IFT57: variants seen among roughly 807,000 people sequenced by gnomAD.
IFT57 encodes intraflagellar transport protein 57 homolog.
Under a neutral mutation model 56.8 loss-of-function variants are expected in IFT57, and 59 were observed. That is an observed-to-expected ratio of 1.04 (90% CI 0.84 to 1.29). The LOEUF (loss-of-function observed/expected upper bound fraction) is 1.29, where lower values mean the gene tolerates loss of function less well. IFT57 is among the 50% of genes most tolerant of loss of function. The probability of loss-of-function intolerance (pLI) is 0.00; values close to 1 mark genes in which losing one functional copy is unlikely to be tolerated. For synonymous variants in IFT57, 209 were observed against 186.1 expected (o/e 1.12, Z -1.00); for missense variants, 470 against 522.1 (o/e 0.90, Z 0.97).
At chr3:108,184,613 C>T (rs1343947746) in intron 6 of IFT57, among the ~76,000 whole-genome samples, 1 of 151,934 alleles carries the variant, frequency 6.6e-6, no homozygotes, top group African/African-American at 2.4e-5. Flanking sequence ...GAAATGTAAA[C>T]AAAGGTAGAT....
At position 108,208,170 on chromosome 3, in the gene IFT57, T is replaced by C. The variant is rs138627029; in HGVS notation, c.586-1474A>G. 9.0e-3 allele frequency among the ~76,000 whole-genome samples: 1,368 copies of C among 152,284 alleles called. 13 individuals carry two copies. Among genetic ancestry groups the C allele is most frequent in the African/African-American group, 0.03 (1,228 of 41,570 alleles). ...GGAAACAACATAAATGTAGATTCTA[T>C]ACACTCAAGTGACATTTACTTTTTT... On this transcript the variant is annotated intron_variant, in intron 4 of 10. Coordinates refer to ENST00000264538, the MANE Select transcript of IFT57 (RefSeq NM_018010.4).
intron 5 of IFT57, among the ~76,000 whole-genome samples, chr3:108,200,633 C>T (rs921583): frequency 0.096 from 14,631 of 152,082 alleles, 764 homozygotes; most frequent in Middle Eastern, 0.12. Flanking sequence ...TCAAATAATA[C>T]CTAAAAAAAT....
At chr3:108,183,301 C>T (rs750672379) in intron 6 of IFT57, among the ~76,000 whole-genome samples, 1 of 152,104 alleles carries the variant, frequency 6.6e-6, no homozygotes, top group African/African-American at 2.4e-5. Context: ...AAATAAACAA[C>T]AGACAACAGC....
chr3:108,177,335 G>T (rs1030609621), intron 6 of IFT57, among the ~76,000 whole-genome samples: 9 of 151,428 alleles, frequency 5.9e-5, no homozygotes, highest in Non-Finnish European at 1.2e-4. Flanking sequence ...AGAAAAAAAC[G>T]GAGAGCAACT....
At chr3:108,203,839 T>C (rs531552926) in intron 5 of IFT57, among the ~76,000 whole-genome samples, 3 of 152,244 alleles carry the variant, frequency 2.0e-5, no homozygotes, top group South Asian at 2.1e-4. Context: ...CAGAGAATGA[T>C]TGGAGAAGCA....
intron 5 of IFT57, among the ~76,000 whole-genome samples, chr3:108,194,905 C>G (rs1174503423): frequency 6.6e-6 from 1 of 152,116 alleles, no homozygotes; most frequent in Non-Finnish European, 1.5e-5. Context: ...GAACATTGGT[C>G]TGGGCAAAGA....
Position 108,192,196 on chromosome 3 carries a change from A to G in IFT57, c.655-553T>C, listed in dbSNP as rs1438348919. ...TCTCAAAAAAAAAAAAAAAAAAAAA[A>G]GGGAAACACTTAAATTTATCACACT... On this transcript the variant is annotated intron_variant, in intron 5 of 10. Transcript: ENST00000264538. Among the ~76,000 whole-genome samples the G allele has an allele frequency of 1.5e-3, 202 of 130,618 alleles. 1 individual carries two copies. The highest frequency in any genetic ancestry group is 4.7e-3 in the African/African-American group (166 of 35,572). The allele number at this position is 130,618 out of a possible 152,430, so 85.7% of individuals were successfully genotyped here.
At chr3:108,196,837 C>A (rs1266205010) in intron 5 of IFT57, among the ~76,000 whole-genome samples, 1 of 152,162 alleles carries the variant, frequency 6.6e-6, no homozygotes, top group African/African-American at 2.4e-5. Flanking sequence ...ATTTCATAAC[C>A]TCATTCCTCA....
At chr3:108,220,420 G>A (rs1260975219) in intron 1 of IFT57, among the ~76,000 whole-genome samples, 2 of 152,140 alleles carry the variant, frequency 1.3e-5, no homozygotes, top group Non-Finnish European at 2.9e-5. Context: ...TATAACCATT[G>A]TCATAAAAAT....
At chr3:108,217,887 A>G (rs183620310) in intron 3 of IFT57, among the ~76,000 whole-genome samples, 15 of 152,108 alleles carry the variant, frequency 9.9e-5, no homozygotes, top group Admixed American at 7.8e-4. Flanking sequence ...TATATGCTCA[A>G]TATCTATTAA....
At chr3:108,206,318 A>C (rs2080313985) in intron 5 of IFT57, among the ~76,000 whole-genome samples, 1 of 151,570 alleles carries the variant, frequency 6.6e-6, no homozygotes, top group African/African-American at 2.4e-5. Flanking sequence ...TTAAAATGGA[A>C]AATAACTTGA....
intron 6 of IFT57, among the ~76,000 whole-genome samples, chr3:108,186,754 C>G (rs2080185630): frequency 6.6e-6 from 1 of 152,132 alleles, no homozygotes; most frequent in Admixed American, 6.6e-5. Flanking sequence ...TCTGCCACCC[C>G]TGAGACAGCA....
Position 108,187,590 on chromosome 3 carries a change from A to G in IFT57, c.777+3931T>C, listed in dbSNP as rs554247729. Among the ~76,000 whole-genome samples, 8 of 149,902 alleles carry G rather than the reference A, an allele frequency of 5.3e-5. No homozygotes were observed. The East Asian group carries it at 1.6e-3, about 30-fold the overall frequency. Reference sequence around the variant, plus strand: ...TTAAACTTGTTTTCATGTAAGTTAAAAAAAAAAGGGGGGGAGTGTCTGAGC... The same window carrying G: ...TTAAACTTGTTTTCATGTAAGTTAAGAAAAAAAGGGGGGGAGTGTCTGAGC... On this transcript the variant is annotated intron_variant, in intron 6 of 10. Transcript: ENST00000264538.
chr3:108,211,130 A>T (rs2080340575), intron 4 of IFT57, among the ~76,000 whole-genome samples: 1 of 152,218 alleles, frequency 6.6e-6, no homozygotes, highest in African/African-American at 2.4e-5. Context: ...GAAAAATTAC[A>T]CATGGTTTCT....
At chr3:108,197,506 A>C (rs1380454094) in intron 5 of IFT57, among the ~76,000 whole-genome samples, 1 of 152,200 alleles carries the variant, frequency 6.6e-6, no homozygotes, top group African/African-American at 2.4e-5. Flanking sequence ...AGAATCAAAC[A>C]TACAGTGTTA....
intron 5 of IFT57, among the ~76,000 whole-genome samples, chr3:108,205,598 A>T (rs1251294154): frequency 6.6e-6 from 1 of 150,992 alleles, no homozygotes; most frequent in Non-Finnish European, 1.5e-5. Context: ...GGGGAGGGGT[A>T]GTCAAGGAAA....
At chr3:108,208,070 TA>T (rs909869074) in intron 4 of IFT57, among the ~76,000 whole-genome samples, 2 of 146,436 alleles carry the variant, frequency 1.4e-5, no homozygotes, top group Non-Finnish European at 3.0e-5. Context: ...AAAGCAACTA[TA>T]GGGGTGGGGC....
At chr3:108,184,857 C>A (rs983666774) in intron 6 of IFT57, among the ~76,000 whole-genome samples, 11 of 152,114 alleles carry the variant, frequency 7.2e-5, no homozygotes, top group Non-Finnish European at 1.2e-4. Context: ...AGTGCAATAT[C>A]TTCAAGTATT....
intron 5 of IFT57, among the ~76,000 whole-genome samples, chr3:108,193,354 C>T (rs2080226157): frequency 6.6e-6 from 1 of 152,180 alleles, no homozygotes; most frequent in African/African-American, 2.4e-5. Flanking sequence ...CCTGTTTAGA[C>T]TCAGAGCCTT....
Sources: allele counts gnomAD v4.1 joint callset (sites outside exome capture counted in the v4.1 genomes callset), GRCh38; gene constraint gnomAD v4.1.1; transcripts MANE v1.5; gene names NCBI Gene and HGNC (gene_info 2026-07-23, HGNC 2026-07-21).